Variants in CTNND2 observed in about 807,000 individuals in gnomAD.
The protein encoded by CTNND2 is catenin delta 2.
Under a neutral mutation model 144.4 loss-of-function variants are expected in CTNND2, and 22 were observed. The ratio of observed to expected loss-of-function variants is 0.15; its 90% CI spans 0.11 to 0.22. The LOEUF is 0.22. Ranked by LOEUF, CTNND2 falls within the 10% of genes least tolerant of loss-of-function variation. CTNND2 has a pLI of 1.00. For missense variants in CTNND2, 1,353 were observed against 1,618.8 expected, an observed-to-expected ratio of 0.84 and a Z score of 2.82; for synonymous variants, 751 against 695.6, an observed-to-expected ratio of 1.08 and a Z score of -1.25.
intron 9 of CTNND2, among the ~76,000 whole-genome samples, chr5:11,311,779 TCACACA>T (rs113111244): frequency 0.72 from 75,337 of 105,204 alleles, 26,972 homozygotes; most frequent in Middle Eastern, 0.87. Flanking sequence ...CACCCTCACC[TCACACA>T]CACACACACA....
chr5:11,878,553 C>A (rs1266206779), intron 1 of CTNND2, among the ~76,000 whole-genome samples: 1 of 152,198 alleles, frequency 6.6e-6, no homozygotes, highest in African/African-American at 2.4e-5. Context: ...TACAACTGCA[C>A]CAGAAACCTG....
At chr5:11,484,479 G>T (rs929120724) in intron 3 of CTNND2, among the ~76,000 whole-genome samples, 5 of 152,146 alleles carry the variant, frequency 3.3e-5, no homozygotes, top group Admixed American at 2.6e-4. Flanking sequence ...TCCCTTTAGA[G>T]ACAGCACATT....
rs143755247 is a variant in CTNND2, at chr5:11,779,517, A to C, written c.38-47245T>G. Reference sequence around the variant, plus strand: ...GGGTGCCCAGCAAGGTGCTGGCATCAGTTCCAAATGTAACATGGGTTATGG... The same window carrying C: ...GGGTGCCCAGCAAGGTGCTGGCATCCGTTCCAAATGTAACATGGGTTATGG... On this transcript the variant is annotated intron_variant, in intron 1 of 21. Coordinates refer to ENST00000304623, the MANE Select transcript of CTNND2 (RefSeq NM_001332.4). Among the ~76,000 whole-genome samples the C allele has an allele frequency of 2.7e-3, 409 of 152,344 alleles. 3 individuals carry two copies. Among genetic ancestry groups the C allele is most frequent in the African/African-American group, 8.9e-3 (370 of 41,580 alleles).
intron 10 of CTNND2, among the ~76,000 whole-genome samples, chr5:11,227,270 C>T (rs960093695): frequency 1.1e-4 from 16 of 152,218 alleles, no homozygotes; most frequent in African/African-American, 3.9e-4. Flanking sequence ...CCTGTGTTCT[C>T]TCTGCCATGA....
At chr5:11,494,936 T>C (rs1769791590) in intron 3 of CTNND2, among the ~76,000 whole-genome samples, 1 of 152,220 alleles carries the variant, frequency 6.6e-6, no homozygotes, top group African/African-American at 2.4e-5. Context: ...TCATCATTAA[T>C]TATTTCTCAT....
At chr5:11,718,109 A>G (rs760601413) in intron 2 of CTNND2, among the ~76,000 whole-genome samples, 8 of 152,226 alleles carry the variant, frequency 5.3e-5, no homozygotes. Flanking sequence ...ATCAATTAAT[A>G]AAATAATTTC....
At chr5:11,100,700 C>T (rs1340757885) in intron 14 of CTNND2, among the ~76,000 whole-genome samples, 6 of 152,026 alleles carry the variant, frequency 3.9e-5, no homozygotes, top group African/African-American at 1.4e-4. Flanking sequence ...AAATTTAAAG[C>T]AATTATTTTC....
rs150007233 is a variant in CTNND2, at chr5:11,688,855, C to G, written c.174+43281G>C. Among the ~76,000 whole-genome samples, 180 of 152,294 alleles carry G rather than the reference C, an allele frequency of 1.2e-3. 1 individual carries two copies. Among genetic ancestry groups the G allele is most frequent in the African/African-American group, 4.1e-3 (169 of 41,582 alleles). ...GAGAAAACAGACTGAGATAATGCAG[C>G]AGCACTTGGTGGTGAAAGGAAACAA... On this transcript the variant is annotated intron_variant, in intron 2 of 21. Transcript: ENST00000304623.
At chr5:11,611,067 A>G (rs1421995573) in intron 2 of CTNND2, among the ~76,000 whole-genome samples, 1 of 152,132 alleles carries the variant, frequency 6.6e-6, no homozygotes, top group African/African-American at 2.4e-5. Flanking sequence ...GAGGTAATTT[A>G]ATCATGCGGA....
Position 11,384,920 on chromosome 5 carries a change from C to A in CTNND2, c.922G>T (p.Ala308Ser). The A allele has an allele frequency of 6.2e-7, 1 of 1,604,396 alleles. No homozygotes were observed. ...GGCGAGCTGGTGCTGTAGGACTTGG[C>A]CAGGCGGCTGGGCGACTGCTTGGGC... is the stretch of plus-strand genomic sequence containing the variant. The part of the protein sequence containing the change: ...SSPKQSPSRL[A>S]KSYSTSSPIN... The change falls in exon 7 of 22, where the codon GCC becomes TCC. Residue 308 changes from alanine (A) to serine (S), a missense_variant. This residue lies in a region of CTNND2 where 708 missense variants were observed against 706.4 expected (regional missense o/e 1.00). Coordinates refer to ENST00000304623, the MANE Select transcript of CTNND2 (RefSeq NM_001332.4). The surrounding 1 kb of genome is among the most constrained non-coding windows in gnomAD (Gnocchi z 5.2).
Position 11,022,890 on chromosome 5 carries a change from C to T in CTNND2, c.2878G>A (p.Val960Met). The T allele has an allele frequency of 6.2e-7, 1 of 1,614,244 alleles. No homozygotes were observed. Among genetic ancestry groups the T allele is most frequent in the African/African-American group, 1.3e-5 (1 of 75,082 alleles). Residue 960 changes from valine to methionine, a missense_variant, in exon 17 of 22, where the codon GTG (valine) becomes ATG (methionine). Transcript: ENST00000304623. ...TASKAMSDDT[V>M]TAVCCTLHEV... ...TGCAGTGTGCAGCAGACAGCTGTCA[C>T]TGTGTCATCCGACATGGCCTTGCTT... is the stretch of plus-strand genomic sequence containing the variant.
At chr5:11,146,681 G>A in intron 12 of CTNND2, among the ~76,000 whole-genome samples, 1 of 152,142 alleles carries the variant, frequency 6.6e-6, no homozygotes, top group East Asian at 1.9e-4. Context: ...GGTGGTTGAG[G>A]AATTCAGAAT....
intron 2 of CTNND2, among the ~76,000 whole-genome samples, chr5:11,609,170 A>G (rs1780201548): frequency 6.6e-6 from 1 of 152,014 alleles, no homozygotes; most frequent in Non-Finnish European, 1.5e-5. Flanking sequence ...TCATCCATTC[A>G]TCCCTATCTG....
chr5:11,164,008 G>C (rs947674495), intron 11 of CTNND2, among the ~76,000 whole-genome samples: 2 of 152,256 alleles, frequency 1.3e-5, no homozygotes, highest in Admixed American at 6.5e-5. Flanking sequence ...TCCTTCCAGA[G>C]GATCCCGGGG....
intron 10 of CTNND2, among the ~76,000 whole-genome samples, chr5:11,219,706 G>T (rs138113774): frequency 6.6e-6 from 1 of 152,144 alleles, no homozygotes; most frequent in Admixed American, 6.5e-5. Flanking sequence ...ATCTGAAGAC[G>T]AAGGAAGAGA....
intron 2 of CTNND2, among the ~76,000 whole-genome samples, chr5:11,608,902 C>G (rs1361406446): frequency 6.6e-6 from 1 of 152,202 alleles, no homozygotes; most frequent in Non-Finnish European, 1.5e-5. Context: ...TTTGATAGGA[C>G]TCTGCCTACC....
chr5:11,375,933 A>T (rs963319971), intron 7 of CTNND2, among the ~76,000 whole-genome samples: 11 of 152,132 alleles, frequency 7.2e-5, no homozygotes, highest in African/African-American at 2.4e-4. Context: ...CCCCCCGATT[A>T]TGTTGAAAGC....
At chr5:11,682,533 TA>T (rs1466274229) in intron 2 of CTNND2, among the ~76,000 whole-genome samples, 2 of 152,212 alleles carry the variant, frequency 1.3e-5, no homozygotes, top group African/African-American at 2.4e-5. Flanking sequence ...TGTGTAAATT[TA>T]GAGAAAAAAG....
chr5:11,467,349 T>C (rs1185443844), intron 3 of CTNND2, among the ~76,000 whole-genome samples: 1 of 152,230 alleles, frequency 6.6e-6, no homozygotes, highest in African/African-American at 2.4e-5. Context: ...TGGAATGGGT[T>C]GGCCCTGAGA....
Sources: allele counts gnomAD v4.1 joint callset (sites outside exome capture counted in the v4.1 genomes callset), GRCh38; gene constraint gnomAD v4.1.1; regional missense constraint gnomAD v4.1.1; non-coding constraint Gnocchi (gnomAD v3.1); transcripts MANE v1.5; gene names NCBI Gene and HGNC (gene_info 2026-07-23, HGNC 2026-07-21).